Variants in SATL1 observed in about 807,000 individuals in gnomAD.
SATL1 encodes the protein spermidine/spermine N(1)-acetyltransferase-like protein 1.
In SATL1, 47 loss-of-function variants were observed where a neutral mutation model predicts 51.8. The observed-to-expected ratio is 0.91, with a 90% CI of 0.72 to 1.16. The LOEUF (loss-of-function observed/expected upper bound fraction) is 1.16. Among genes scored for constraint, SATL1 ranks in the 50% most tolerant of loss-of-function variants. The probability of loss-of-function intolerance (pLI) is 0.00; values close to 1 mark genes in which losing one functional copy is unlikely to be tolerated. For missense variants in SATL1, 520 were observed against 526.4 expected (o/e 0.99, Z 0.12); for synonymous variants, 176 against 182.4 (o/e 0.97, Z 0.28).
rs746821622 is a variant in SATL1, at chrX:85,240,030, T to C, written c.-435+3558A>G. 1.1e-3 allele frequency among the ~76,000 whole-genome samples: 123 copies of C among 111,709 alleles called. 1 individual carries two copies. Among genetic ancestry groups the C allele is most frequent in the African/African-American group, 3.5e-3 (109 of 30,848 alleles). ...CTGTAAAGTGAATGAAAAGACCCAG[T>C]AATGATGTACAGAAAATATTTTCAA... On this transcript the variant is annotated intron_variant, in intron 1 of 7. Coordinates refer to ENST00000644105, the MANE Select transcript of SATL1 (RefSeq NM_001367857.2).
chrX:85,098,405 A>G (rs1419436204), intron 4 of SATL1, among the ~76,000 whole-genome samples: 2 of 111,808 alleles, frequency 1.8e-5, no homozygotes, highest in African/African-American at 6.5e-5. Flanking sequence ...TCAGTAATAT[A>G]TAGGACAACC....
In SATL1 at chrX:85,236,742, G is replaced by C. The variant is rs143483138; in HGVS notation, c.-435+6846C>G. The stretch of plus-strand genomic sequence containing the variant: ...CTCACAGCTAGTATCATAATGAATG[G>C]GGAAATACTGAAAGCCTTTCCTTTA... On this transcript the variant is annotated intron_variant, in intron 1 of 7. Transcript: ENST00000644105. Among the ~76,000 whole-genome samples the C allele has an allele frequency of 6.3e-3, 702 of 111,382 alleles. 3 individuals are homozygous for C. The highest frequency in any genetic ancestry group is 0.022 in the African/African-American group (671 of 30,808).
At chrX:85,199,682 C>T (rs1927650484) in intron 2 of SATL1, among the ~76,000 whole-genome samples, 1 of 111,919 alleles carries the variant, frequency 8.9e-6, no homozygotes, top group African/African-American at 3.3e-5. Context: ...CACAGAAAGA[C>T]AAACTTCACA....
At chrX:85,153,009 A>G (rs1409049295) in intron 2 of SATL1, among the ~76,000 whole-genome samples, 1 of 110,681 alleles carries the variant, frequency 9.0e-6, no homozygotes, top group Admixed American at 9.6e-5. Context: ...AAAAAAAAAT[A>G]CATCGACATT....
intron 2 of SATL1, among the ~76,000 whole-genome samples, chrX:85,163,645 T>C (rs4390087): frequency 0.11 from 12,137 of 111,259 alleles, 571 homozygotes; most frequent in South Asian, 0.17. Flanking sequence ...TATTTTAGAT[T>C]GTATTAAATT....
chrX:85,139,486 G>A (rs1168292417), intron 2 of SATL1, among the ~76,000 whole-genome samples: 8 of 111,120 alleles, frequency 7.2e-5, no homozygotes, highest in Admixed American at 9.6e-5. Flanking sequence ...GGAGTCAAGA[G>A]ATATGAACCC....
intron 1 of SATL1, among the ~76,000 whole-genome samples, chrX:85,227,926 T>A (rs956703655): frequency 1.8e-5 from 2 of 111,320 alleles, no homozygotes; most frequent in African/African-American, 6.5e-5. Flanking sequence ...TAGAGGCATA[T>A]AATAAAATAC....
intron 4 of SATL1, among the ~76,000 whole-genome samples, chrX:85,100,276 C>G (rs1465822528): frequency 8.9e-6 from 1 of 112,268 alleles, no homozygotes; most frequent in Non-Finnish European, 1.9e-5. Context: ...GCAGATCACA[C>G]AATTCTATAT....
At chrX:85,194,404 A>T (rs1340797717) in intron 2 of SATL1, among the ~76,000 whole-genome samples, 1 of 111,646 alleles carries the variant, frequency 9.0e-6, no homozygotes, top group Non-Finnish European at 1.9e-5. Context: ...TCAAAGTAAG[A>T]TGTGATCGTG....
intron 2 of SATL1, among the ~76,000 whole-genome samples, chrX:85,162,546 A>G (rs1467552278): frequency 2.7e-5 from 3 of 110,737 alleles, no homozygotes; most frequent in Non-Finnish European, 5.7e-5. Context: ...CTCTTGTCTG[A>G]TTTCTCTGGC....
At chrX:85,166,957 G>A (rs1359733342) in intron 2 of SATL1, among the ~76,000 whole-genome samples, 1 of 104,171 alleles carries the variant, frequency 9.6e-6, no homozygotes, top group East Asian at 3.0e-4. Flanking sequence ...GTGTGTGTGT[G>A]TGTGTGTGTG....
intron 2 of SATL1, among the ~76,000 whole-genome samples, chrX:85,126,397 C>T (rs1463988231): frequency 6.3e-5 from 7 of 111,241 alleles, no homozygotes; most frequent in African/African-American, 2.0e-4. Flanking sequence ...TCATTTAATC[C>T]TACCAATAAT....
At chrX:85,211,749 A>G (rs1272691322) in intron 2 of SATL1, 3 of 111,583 alleles carry the variant, frequency 2.7e-5, no homozygotes, top group Non-Finnish European at 3.8e-5. Context: ...ATGGTGATGA[A>G]GACGACAGAT....
intron 4 of SATL1, among the ~76,000 whole-genome samples, chrX:85,100,567 G>A (rs1240019040): frequency 1.8e-5 from 2 of 111,438 alleles, no homozygotes; most frequent in Non-Finnish European, 3.8e-5. Flanking sequence ...AATTAAAAAA[G>A]AAAAACAACA....
At chrX:85,216,316 A>C (rs890380480) in intron 2 of SATL1, among the ~76,000 whole-genome samples, 2 of 110,939 alleles carry the variant, frequency 1.8e-5, no homozygotes, top group African/African-American at 6.6e-5. Flanking sequence ...TTTCAACATG[A>C]GATTTGGAGG....
chrX:85,092,626 A>G, intron 7 of SATL1, 65 bp from the exon 8 acceptor site: 2 of 1,012,845 alleles, frequency 2.0e-6, no homozygotes, highest in South Asian at 4.5e-5. Context: ...TAACACATAT[A>G]TTTTATTGAA....
intron 2 of SATL1, among the ~76,000 whole-genome samples, chrX:85,159,541 G>T (rs1926669113): frequency 8.9e-6 from 1 of 111,745 alleles, no homozygotes; most frequent in Non-Finnish European, 1.9e-5. Context: ...TAGAAATATT[G>T]TCTTCCGGGA....
chrX:85,185,265 T>C (rs1927288350), intron 2 of SATL1, among the ~76,000 whole-genome samples: 1 of 112,689 alleles, frequency 8.9e-6, no homozygotes, highest in South Asian at 3.6e-4. Flanking sequence ...TCACTGGTAA[T>C]CTGCAGGGTC....
At chrX:85,146,745 T>C (rs1420050646) in intron 2 of SATL1, among the ~76,000 whole-genome samples, 3 of 112,732 alleles carry the variant, frequency 2.7e-5, no homozygotes, top group Middle Eastern at 9.2e-3. Flanking sequence ...AAAGATACTA[T>C]ATGAACAATT....
Sources: gnomAD v4.1 joint callset for allele counts (sites outside exome capture counted in the v4.1 genomes callset) on GRCh38, gnomAD v4.1.1 for gene constraint, MANE v1.5 for transcripts, NCBI Gene and HGNC (gene_info 2026-07-23, HGNC 2026-07-21) for gene names.